ALDH1A1: variants seen among roughly 807,000 people sequenced by gnomAD.
The protein encoded by ALDH1A1 is aldehyde dehydrogenase 1 family member A1, also known as aldehyde dehydrogenase 1A1.
A neutral mutation model predicts 62.1 loss-of-function variants in ALDH1A1; 19 were observed. That is an observed-to-expected ratio of 0.31 (90% confidence interval 0.21 to 0.45). The LOEUF (loss-of-function observed/expected upper bound fraction) is 0.45. Ranked by LOEUF, ALDH1A1 falls within the 20% of genes least tolerant of loss-of-function variation. The pLI is 1.00. For synonymous variants in ALDH1A1, 231 were observed against 215.9 expected (o/e 1.07, Z -0.61); for missense variants, 521 against 607.1 (o/e 0.86, Z 1.49).
intron 2 of ALDH1A1, among the ~76,000 whole-genome samples, chr9:72,936,684 G>A (rs1175457486): frequency 3.9e-5 from 6 of 152,112 alleles, no homozygotes; most frequent in South Asian, 2.1e-4. Context: ...GGCTTCTGGG[G>A]CTCCTATAGA....
At chr9:72,929,557 C>G (rs1830254223) in intron 3 of ALDH1A1, among the ~76,000 whole-genome samples, 3 of 152,120 alleles carry the variant, frequency 2.0e-5, no homozygotes, top group Non-Finnish European at 4.4e-5. Flanking sequence ...AGGAAACTAC[C>G]AGTGTTGCCA....
chr9:72,941,586 T>G (rs1189127219), intron 1 of ALDH1A1, among the ~76,000 whole-genome samples: 2 of 152,300 alleles, frequency 1.3e-5, no homozygotes, highest in Admixed American at 6.5e-5. Flanking sequence ...CTATCTTCAG[T>G]GTCCAACAGC....
At chr9:72,940,673 C>G (rs1055159854) in intron 1 of ALDH1A1, among the ~76,000 whole-genome samples, 3 of 152,050 alleles carry the variant, frequency 2.0e-5, no homozygotes, top group African/African-American at 7.2e-5. Context: ...ATTTTCTAAT[C>G]CTTTAATGTT....
chr9:72,943,067 G>A (rs62560417), intron 1 of ALDH1A1, among the ~76,000 whole-genome samples: 6,133 of 152,154 alleles, frequency 0.04, 167 homozygotes, highest in Middle Eastern at 0.068. Flanking sequence ...TGGGAATTCT[G>A]CCTTCTCTCT....
Position 72,901,164 on chromosome 9 carries a change from G to T in ALDH1A1, c.*44C>A. The T allele has an allele frequency of 4.2e-6, 6 of 1,427,954 alleles. No individual in the cohort carries two copies. The highest frequency in any genetic ancestry group is 5.9e-6 in the Non-Finnish European group (6 of 1,015,012). The allele number at this position is 1,427,954 out of a possible 1,614,324, so 88.5% of individuals were successfully genotyped here. A position where few individuals can be genotyped will look rare whatever the true frequency, so the allele number is the denominator to read the frequency against. On this transcript the variant is annotated 3_prime_UTR_variant, in exon 13 of 13. Coordinates refer to ENST00000297785, the MANE Select transcript of ALDH1A1 (RefSeq NM_000689.5). ...TCTACTATATTAGTGACTGTAAGGAGATGCTTAGCTATTGAAGAGCTTCTC... is the reference window on the plus strand; with the variant it reads ...TCTACTATATTAGTGACTGTAAGGATATGCTTAGCTATTGAAGAGCTTCTC...
intron 2 of ALDH1A1, among the ~76,000 whole-genome samples, chr9:72,939,142 T>C (rs1256006329): frequency 6.6e-6 from 1 of 152,174 alleles, no homozygotes; most frequent in African/African-American, 2.4e-5. Flanking sequence ...TTGAGGTTAT[T>C]ACTTATTAGC....
chr9:72,946,753 C>A (rs532968672), intron 1 of ALDH1A1, among the ~76,000 whole-genome samples: 1 of 152,064 alleles, frequency 6.6e-6, no homozygotes, highest in South Asian at 2.1e-4. Flanking sequence ...CACCCCCCCA[C>A]ACCACCATCC....
In ALDH1A1 at chr9:72,906,013, C is replaced by T. The variant is rs763363983; in HGVS notation, c.1378G>A (p.Val460Ile). ...CCACCAAAGGGGCACTGGGCACTTA[C>T]CACGCCATAGCAATTCACCCTGAAG... Reference protein sequence around the residue: ...GTVWVNCYGVVSAQCPFGGFK... With the variant: ...GTVWVNCYGVISAQCPFGGFK... Residue 460 changes from valine (V) to isoleucine (I), a missense_variant, in exon 12 of 13, where the codon GTA becomes ATA. Val to Ile is a conservative substitution (Grantham distance 29, BLOSUM62 3). Transcript: ENST00000297785. 14 of 1,612,290 alleles carry T rather than the reference C, an allele frequency of 8.7e-6. No individual in the cohort carries two copies. The highest frequency in any genetic ancestry group is 9.3e-6 in the Non-Finnish European group (11 of 1,179,018).
intron 9 of ALDH1A1, among the ~76,000 whole-genome samples, chr9:72,913,615 C>T (rs977282819): frequency 6.6e-6 from 1 of 152,082 alleles, no homozygotes; most frequent in Non-Finnish European, 1.5e-5. Context: ...TGTCTGTGAC[C>T]ACGTTGAATA....
intron 11 of ALDH1A1, among the ~76,000 whole-genome samples, chr9:72,906,589 G>C (rs910223237): frequency 6.6e-6 from 1 of 152,094 alleles, no homozygotes; most frequent in South Asian, 2.1e-4. Flanking sequence ...ATTTCATAAA[G>C]TGTTTAAAGA....
rs974324541 is a variant in ALDH1A1, at chr9:72,922,461, C to T, written c.747+1558G>A. Among the ~76,000 whole-genome samples the T allele has an allele frequency of 2.0e-5, 3 of 152,100 alleles. No homozygotes were observed. The East Asian group carries it at 5.8e-4, about 29-fold the overall frequency. ...AAGATGAGATCAGCAAACAGTAGCT[C>T]CTGGTCCAGATGACCTGGAGAAGGA... On this transcript the variant is annotated intron_variant, in intron 7 of 12. Transcript: ENST00000297785.
chr9:72,928,981 G>A lies in ALDH1A1; in HGVS notation c.353C>T (p.Ala118Val). Residue 118 changes from alanine (A) to valine (V), a missense_variant, in exon 4 of 13, where the codon GCA (alanine) becomes GTA (valine). Coordinates refer to ENST00000297785, the MANE Select transcript of ALDH1A1 (RefSeq NM_000689.5). ...SMNGGKLYSN[A>V]YLNDLAGCIK... is the part of the protein sequence containing the mutation. ...GCAGCCTGCTAAATCATTCAGATAT[G>A]CATTGGAATAGAGTTTTCCACCATT... 2 of 1,613,814 alleles carry A rather than the reference G, an allele frequency of 1.2e-6. No individual in the cohort carries two copies. Among genetic ancestry groups the A allele is most frequent in the Non-Finnish European group, 1.7e-6 (2 of 1,179,846 alleles).
At chr9:72,902,402 T>C (rs1052468301) in intron 12 of ALDH1A1, among the ~76,000 whole-genome samples, 2 of 152,000 alleles carry the variant, frequency 1.3e-5, no homozygotes, top group Non-Finnish European at 2.9e-5. Context: ...GACAGGTATG[T>C]AGAAGACATC....
In ALDH1A1 at chr9:72,901,100, T is replaced by A. The variant is rs1829797293; in HGVS notation, c.*108A>T. 1 of 719,778 alleles carries A rather than the reference T, an allele frequency of 1.4e-6. No individual in the cohort carries two copies. The highest frequency in any genetic ancestry group is 1.8e-5 in the African/African-American group (1 of 56,066). 44.6% of individuals were successfully genotyped at this position (719,778 alleles called of 1,614,324 possible). A position where few individuals can be genotyped will look rare whatever the true frequency, so the allele number is the denominator to read the frequency against. On this transcript the variant is annotated 3_prime_UTR_variant, in exon 13 of 13. Transcript: ENST00000297785. The stretch of plus-strand genomic sequence containing the variant: ...TAATACTAATATGATTTAGCTTATG[T>A]TTAAAAAAATCAAGAAAAGAAAAAT...
At position 72,909,268 on chromosome 9, in the gene ALDH1A1, T is replaced by A. The variant is rs557055257; in HGVS notation, c.1358+334A>T. On this transcript the variant is annotated intron_variant, in intron 11 of 12. Coordinates refer to ENST00000297785, the MANE Select transcript of ALDH1A1 (RefSeq NM_000689.5). ...CCTCCGCCTCCCAGGCTCAAGCAATTCTCCTGCCTCATCCTCCATGTAGCT... is the reference window on the plus strand; with the variant it reads ...CCTCCGCCTCCCAGGCTCAAGCAATACTCCTGCCTCATCCTCCATGTAGCT... Among the ~76,000 whole-genome samples the A allele has an allele frequency of 6.2e-5, 9 of 144,954 alleles. No homozygotes were observed. The South Asian group carries it at 2.1e-3, about 34-fold the overall frequency.
At position 72,929,025 on chromosome 9, in the gene ALDH1A1, A is replaced by C; in HGVS notation, c.313-4T>G. The C allele has an allele frequency of 6.2e-7, 1 of 1,607,788 alleles. No homozygotes were observed. Among genetic ancestry groups the C allele is most frequent in the Non-Finnish European group, 8.5e-7 (1 of 1,178,472 alleles). The stretch of plus-strand genomic sequence containing the variant: ...CACCATTCATTGACTCCATTGTCTG[A>C]AAAACATGTCAAACACCAAATCTAA... On this transcript the variant is annotated splice_region_variant and splice_polypyrimidine_tract_variant and intron_variant, in intron 3 of 12. Transcript: ENST00000297785.
intron 7 of ALDH1A1, among the ~76,000 whole-genome samples, chr9:72,923,106 A>G (rs1307924017): frequency 6.6e-6 from 1 of 152,212 alleles, no homozygotes; most frequent in Non-Finnish European, 1.5e-5. Flanking sequence ...AAGTTAAAAA[A>G]GTAACAATTC....
At chr9:72,903,942 G>A (rs182570455) in intron 12 of ALDH1A1, among the ~76,000 whole-genome samples, 2 of 151,978 alleles carry the variant, frequency 1.3e-5, no homozygotes, top group African/African-American at 4.8e-5. Flanking sequence ...AATTAGTTTT[G>A]CCAAGAGATT....
At chr9:72,930,319 T>TA (rs1161001398) in intron 3 of ALDH1A1, among the ~76,000 whole-genome samples, 2 of 152,208 alleles carry the variant, frequency 1.3e-5, no homozygotes, top group Non-Finnish European at 2.9e-5. Flanking sequence ...GGATTTTTTT[T>TA]ATTTTTTGCC....
Sources: gnomAD v4.1 joint callset for allele counts (sites outside exome capture counted in the v4.1 genomes callset) on GRCh38, gnomAD v4.1.1 for gene constraint, MANE v1.5 for transcripts, NCBI Gene and HGNC (gene_info 2026-07-23, HGNC 2026-07-21) for gene names.